The following TOPBP1 variants were observed in gnomAD, a reference collection of about 807,000 sequenced individuals.
The protein encoded by TOPBP1 is DNA topoisomerase 2-binding protein 1.
Under a neutral mutation model 167.7 loss-of-function variants are expected in TOPBP1, and 28 were observed. That is an observed-to-expected ratio of 0.17 (90% CI 0.12 to 0.23). TOPBP1 has a LOEUF of 0.23. TOPBP1 is among the 10% of genes least tolerant of loss of function. TOPBP1 has a pLI of 1.00. For missense variants in TOPBP1, 1,554 were observed against 1,809.6 expected (o/e 0.86, Z 2.56); for synonymous variants, 598 against 611.4 (o/e 0.98, Z 0.32).
intron 20 of TOPBP1, among the ~76,000 whole-genome samples, chr3:133,619,367 C>T (rs1367277622): frequency 1.3e-5 from 2 of 152,008 alleles, no homozygotes; most frequent in African/African-American, 2.4e-5. Context: ...ATACAGTTAG[C>T]GTAAGATAAA....
intron 25 of TOPBP1, among the ~76,000 whole-genome samples, 185 bp from the exon 26 acceptor site, chr3:133,609,147 G>A (rs560458729): frequency 1.8e-4 from 27 of 152,268 alleles, no homozygotes; most frequent in South Asian, 1.0e-3. Flanking sequence ...CACATAGTAG[G>A]CCATCAAGAA....
chr3:133,654,397 G>A (rs1362042274), intron 6 of TOPBP1, among the ~76,000 whole-genome samples: 2 of 152,096 alleles, frequency 1.3e-5, no homozygotes, highest in African/African-American at 4.8e-5. Flanking sequence ...AGGAATTGAG[G>A]TCAATATGTC....
intron 14 of TOPBP1, among the ~76,000 whole-genome samples, chr3:133,634,581 T>C (rs1935603748): frequency 6.6e-6 from 1 of 151,712 alleles, no homozygotes; most frequent in Non-Finnish European, 1.5e-5. Context: ...TGAAATAACT[T>C]CCAAAGACAA....
At chr3:133,655,619 A>C (rs974342181) in intron 5 of TOPBP1, 133 bp from the exon 6 acceptor site, 26 of 478,292 alleles carry the variant, frequency 5.4e-5, no homozygotes, top group Non-Finnish European at 8.1e-5. Context: ...GAGAACCACC[A>C]AAACAGAATT....
At chr3:133,618,562 A>C (rs1290796796) in intron 20 of TOPBP1, 129 bp from the exon 21 acceptor site, 4 of 699,768 alleles carry the variant, frequency 5.7e-6, no homozygotes, top group African/African-American at 1.8e-5. Flanking sequence ...GTATGCATTA[A>C]AAATATTAAA....
intron 27 of TOPBP1, among the ~76,000 whole-genome samples, chr3:133,605,898 G>A (rs1934476619): frequency 6.6e-6 from 1 of 152,102 alleles, no homozygotes; most frequent in Non-Finnish European, 1.5e-5. Context: ...AGATCATAGG[G>A]TATAAAAGAC....
rs767851039 is a variant in TOPBP1 at position 133,657,886 on chromosome 3, C to T, written c.275G>A (p.Arg92Gln). 3.1e-6 allele frequency: 5 copies of T among 1,599,300 alleles called. No homozygotes were observed. Among genetic ancestry groups the T allele is most frequent in the African/African-American group, 1.4e-5 (1 of 73,878 alleles). The change falls in exon 4 of 28, where the codon CGA (arginine) becomes CAA (glutamine). Residue 92 changes from arginine to glutamine, a missense_variant. Arg to Gln is a conservative substitution (Grantham distance 43, BLOSUM62 1). Transcript: ENST00000260810. ...QVVIFCMHHQ[R>Q]CVPRAEHPVY... ...TGGATGTTCGGCTCTTGGGACACAT[C>T]GCTGGTGGTGCATACAAAATATGAC... is the stretch of plus-strand genomic sequence containing the variant.
At position 133,640,136 on chromosome 3, in the gene TOPBP1, T is replaced by C; in HGVS notation, c.2056A>G (p.Lys686Glu). 6.2e-7 allele frequency: 1 copy of C among 1,613,708 alleles called. No individual in the cohort carries two copies. The highest frequency in any genetic ancestry group is 1.1e-5 in the South Asian group (1 of 91,066). The change falls in exon 13 of 28, where the codon AAG (lysine) becomes GAG (glutamate). Residue 686 changes from lysine to glutamate, a missense_variant. Lys to Glu is a moderately conservative substitution (Grantham distance 56). This residue lies in a region of TOPBP1 where 1,197 missense variants were observed against 1,351.5 expected (regional missense o/e 0.89). Coordinates refer to ENST00000260810, the MANE Select transcript of TOPBP1 (RefSeq NM_007027.4). ...QEYFVRKSNA[K>E]KGMFASTHLI... ...TGAGTACTGGCAAACATGCCTTTCT[T>C]TGCATTGGATTTGCGAACAAAGTAT... is the stretch of plus-strand genomic sequence containing the variant.
intron 27 of TOPBP1, among the ~76,000 whole-genome samples, chr3:133,604,763 A>G (rs1365767343): frequency 6.6e-6 from 1 of 151,846 alleles, no homozygotes. Context: ...TACTAAAAAT[A>G]CAAAAATTAG....
intron 17 of TOPBP1, among the ~76,000 whole-genome samples, chr3:133,623,709 C>A (rs1935174663): frequency 6.6e-6 from 1 of 152,120 alleles, no homozygotes; most frequent in Admixed American, 6.5e-5. Context: ...GTATCAATTA[C>A]CCTCCAGAGA....
chr3:133,615,824 C>T (rs1934852444), intron 23 of TOPBP1, among the ~76,000 whole-genome samples: 1 of 152,020 alleles, frequency 6.6e-6, no homozygotes, highest in Admixed American at 6.6e-5. Flanking sequence ...CCAGGCTGGT[C>T]TTGAATTCCT....
intron 25 of TOPBP1, 53 bp downstream of exon 25, chr3:133,610,951 G>T (rs1483460074): frequency 3.5e-6 from 5 of 1,428,976 alleles, no homozygotes; most frequent in Middle Eastern, 3.7e-4. Flanking sequence ...AAATGTGAAA[G>T]AGTCACAATA....
chr3:133,646,654 A>G (rs963342016), intron 10 of TOPBP1, among the ~76,000 whole-genome samples: 3 of 150,746 alleles, frequency 2.0e-5, no homozygotes, highest in African/African-American at 7.3e-5. Flanking sequence ...CTGTCTCCAA[A>G]AAAAAAAAAA....
At position 133,612,460 on chromosome 3, in the gene TOPBP1, C is replaced by T; in HGVS notation, c.3964G>A (p.Val1322Met). ...PLRNEKYLASVAAGKWVLHRS... is the reference protein window; with the variant it reads ...PLRNEKYLASMAAGKWVLHRS... Reference sequence around the variant, plus strand: ...TGAAGCACCCACTTCCCAGCTGCCACTGAGGCTAAATACTTCTCGTTTCGA... The same window carrying T: ...TGAAGCACCCACTTCCCAGCTGCCATTGAGGCTAAATACTTCTCGTTTCGA... The change falls in exon 24 of 28, where the codon GTG becomes ATG. Residue 1322 changes from valine (V) to methionine (M), a missense_variant. By Grantham distance (21) the Val-to-Met change is conservative. Transcript: ENST00000260810. 6.2e-7 allele frequency: 1 copy of T among 1,614,010 alleles called. No homozygotes were observed. The highest frequency in any genetic ancestry group is 8.5e-7 in the Non-Finnish European group (1 of 1,179,870).
At chr3:133,633,781 A>G (rs1185292715) in intron 14 of TOPBP1, among the ~76,000 whole-genome samples, 1 of 152,190 alleles carries the variant, frequency 6.6e-6, no homozygotes, top group Non-Finnish European at 1.5e-5. Context: ...ACACAGCGAG[A>G]CCTTGTCTTA....
chr3:133,643,052 T>C (rs1249262333), intron 12 of TOPBP1, 148 bp downstream of exon 12: 2 of 652,908 alleles, frequency 3.1e-6, no homozygotes, highest in African/African-American at 3.8e-5. Flanking sequence ...GCTAGTCAAG[T>C]GAAGCAGTGG....
Position 133,623,447 on chromosome 3 carries a change from T to C in TOPBP1, c.2939A>G (p.Glu980Gly). 6.2e-7 allele frequency: 1 copy of C among 1,610,464 alleles called. No homozygotes were observed. The highest frequency in any genetic ancestry group is 8.5e-7 in the Non-Finnish European group (1 of 1,178,102). Residue 980 changes from glutamate to glycine, a missense_variant, in exon 18 of 28, where the codon GAG becomes GGG. By Grantham distance (98) the Glu-to-Gly change is moderately conservative. Transcript: ENST00000260810. ...AAGAGATTCAGGAAGATGTTTACAC[T>C]CTTGGGCACACTGCAATACAATGGT... ...SEHWLLDCAQ[E>G]CKHLPESLYP...
chr3:133,611,145 G>A lies in TOPBP1; in HGVS notation c.4036-4C>T, dbSNP rs779409397. On this transcript the variant is annotated splice_region_variant and splice_polypyrimidine_tract_variant and intron_variant, in intron 24 of 27. Coordinates refer to ENST00000260810, the MANE Select transcript of TOPBP1 (RefSeq NM_007027.4). ...TTCCCCATTCATAGTCTTCTTCCTA[G>A]AGAATTTGTCCAACAAACCTGAGTT... 6.2e-7 allele frequency: 1 copy of A among 1,607,530 alleles called. No individual in the cohort carries two copies. The highest frequency in any genetic ancestry group is 8.5e-7 in the Non-Finnish European group (1 of 1,176,398).
chr3:133,654,453 G>C (rs771164876), intron 6 of TOPBP1, among the ~76,000 whole-genome samples: 1 of 152,148 alleles, frequency 6.6e-6, no homozygotes, highest in East Asian at 1.9e-4. Flanking sequence ...ACAATGAACT[G>C]TCTTCAGATT....
Sources: gnomAD v4.1 joint callset for allele counts (sites outside exome capture counted in the v4.1 genomes callset) on GRCh38, gnomAD v4.1.1 for gene constraint, gnomAD v4.1.1 regional missense constraint, MANE v1.5 for transcripts, NCBI Gene and HGNC (gene_info 2026-07-23, HGNC 2026-07-21) for gene names.